Variants in ZFHX3 observed in about 807,000 individuals in gnomAD.
ZFHX3 encodes zinc finger homeobox 3.
Under a neutral mutation model 279.1 loss-of-function variants are expected in ZFHX3, and 42 were observed. The ratio of observed to expected loss-of-function variants is 0.15; its 90% CI spans 0.12 to 0.19. The LOEUF is 0.19. ZFHX3 is among the 10% of genes least tolerant of loss of function. ZFHX3 has a pLI of 1.00. For missense variants in ZFHX3, 4,981 were observed against 4,754.0 expected (o/e 1.05, Z -1.40); for synonymous variants, 2,293 against 1,957.8 (o/e 1.17, Z -4.52).
intron 4 of ZFHX3, among the ~76,000 whole-genome samples, chr16:72,875,066 C>T (rs2038274743): frequency 6.6e-6 from 1 of 152,184 alleles, no homozygotes. Context: ...TCAAGAAGCT[C>T]ACAGAGAATG....
chr16:73,644,209 C>A (rs2142158767), intron 2 of ZFHX3, among the ~76,000 whole-genome samples: 1 of 152,254 alleles, frequency 6.6e-6, no homozygotes, highest in African/African-American at 2.4e-5. Context: ...AAAATGCAAA[C>A]ACATGTTGAT....
At chr16:73,550,619 T>C (rs2020189575) in intron 2 of ZFHX3, among the ~76,000 whole-genome samples, 1 of 152,356 alleles carries the variant, frequency 6.6e-6, no homozygotes, top group South Asian at 2.1e-4. Flanking sequence ...GTGGATGAAG[T>C]GGTCTGGCTC....
At chr16:73,771,205 C>G (rs1303948830) in intron 1 of ZFHX3, among the ~76,000 whole-genome samples, 3 of 152,150 alleles carry the variant, frequency 2.0e-5, no homozygotes, top group African/African-American at 7.2e-5. Flanking sequence ...TTGATGATCC[C>G]TACCAATGTT....
chr16:73,581,405 G>A (rs1051622195), intron 2 of ZFHX3, among the ~76,000 whole-genome samples: 2 of 151,670 alleles, frequency 1.3e-5, no homozygotes, highest in Admixed American at 6.6e-5. Flanking sequence ...GTTTGTATAA[G>A]TGGTTTTCTT....
At chr16:73,513,839 G>A (rs1203849822) in intron 2 of ZFHX3, among the ~76,000 whole-genome samples, 4 of 152,070 alleles carry the variant, frequency 2.6e-5, no homozygotes, top group Non-Finnish European at 2.9e-5. Flanking sequence ...CAGAGAAGAC[G>A]CTGAACAAGC....
At chr16:73,232,546 T>A (rs1411872797) in intron 5 of ZFHX3, 1 of 152,016 alleles carries the variant, frequency 6.6e-6, no homozygotes, top group African/African-American at 2.4e-5. Flanking sequence ...AAGGAATCGA[T>A]GACTGGACAT....
intron 4 of ZFHX3, among the ~76,000 whole-genome samples, chr16:72,850,588 G>A (rs914399932): frequency 1.3e-5 from 2 of 152,124 alleles, no homozygotes; most frequent in Non-Finnish European, 2.9e-5. Context: ...CATGGACCAT[G>A]GTAGAGCTGG....
At chr16:73,330,169 A>G (rs1410607477) in intron 3 of ZFHX3, among the ~76,000 whole-genome samples, 2 of 152,168 alleles carry the variant, frequency 1.3e-5, no homozygotes, top group South Asian at 2.1e-4. Flanking sequence ...ATGGGGGAAG[A>G]GAGGAGAGAG....
intron 3 of ZFHX3, among the ~76,000 whole-genome samples, chr16:72,891,824 G>A (rs1034451655): frequency 6.6e-6 from 1 of 152,152 alleles, no homozygotes; most frequent in African/African-American, 2.4e-5. Flanking sequence ...CTGGCCCATG[G>A]AGCCATGGCA....
intron 1 of ZFHX3, among the ~76,000 whole-genome samples, chr16:73,714,136 C>T (rs995270586): frequency 6.6e-6 from 1 of 152,170 alleles, no homozygotes; most frequent in African/African-American, 2.4e-5. Context: ...TTATTAACAA[C>T]TGGGAGCATG....
chr16:73,699,472 A>T (rs2053227595), intron 1 of ZFHX3, among the ~76,000 whole-genome samples: 1 of 152,320 alleles, frequency 6.6e-6, no homozygotes, highest in South Asian at 2.1e-4. Flanking sequence ...AAAGCTTTTC[A>T]TATAGGGCAA....
intron 7 of ZFHX3, 35 bp from the exon 8 acceptor site, chr16:72,800,164 G>C (rs763211605): frequency 1.9e-6 from 3 of 1,549,408 alleles, no homozygotes; most frequent in East Asian, 4.5e-5. Context: ...CAAATGGAGA[G>C]GAAAGCGACA....
At chr16:73,121,750 G>A (rs536438531) in intron 7 of ZFHX3, among the ~76,000 whole-genome samples, 107 of 151,886 alleles carry the variant, frequency 7.0e-4, no homozygotes, top group African/African-American at 2.4e-3. Context: ...CAAGTAGCTG[G>A]GACTACAGGC....
intron 3 of ZFHX3, among the ~76,000 whole-genome samples, chr16:73,416,839 A>AGT (rs1555515070): frequency 1.3e-5 from 2 of 151,372 alleles, no homozygotes; most frequent in Non-Finnish European, 3.0e-5. Context: ...GCGCCACTGC[A>AGT]CTCCAGCCTG....
At chr16:72,922,727 G>A (rs780125576) in intron 3 of ZFHX3, among the ~76,000 whole-genome samples, 1 of 152,144 alleles carries the variant, frequency 6.6e-6, no homozygotes, top group Non-Finnish European at 1.5e-5. Context: ...TAAAACATTT[G>A]TTTCAGATTG....
intron 3 of ZFHX3, among the ~76,000 whole-genome samples, chr16:73,404,342 A>G (rs2017317551): frequency 6.6e-6 from 1 of 152,124 alleles, no homozygotes; most frequent in Non-Finnish European, 1.5e-5. Context: ...AAAATGTAAA[A>G]CCTGCAAGAC....
chr16:73,866,169 A>ATT (rs34324522), intron 1 of ZFHX3, among the ~76,000 whole-genome samples: 12,908 of 74,696 alleles, frequency 0.17, 2,458 homozygotes, highest in East Asian at 0.25. Context: ...TGCCAGGCTA[A>ATT]TTTTTTTTTT....
chr16:73,858,372 T>C (rs1476019800), intron 1 of ZFHX3, among the ~76,000 whole-genome samples: 2 of 152,222 alleles, frequency 1.3e-5, no homozygotes, highest in African/African-American at 4.8e-5. Flanking sequence ...CTGATCTTGA[T>C]ACAGTCTTAG....
At chr16:73,288,695 C>G (rs1597264423) in intron 4 of ZFHX3, among the ~76,000 whole-genome samples, 1 of 151,852 alleles carries the variant, frequency 6.6e-6, no homozygotes, top group Non-Finnish European at 1.5e-5. Context: ...TTTGAGGCTT[C>G]TGCAGCAGCT....
Sources: gnomAD v4.1 joint callset for allele counts (sites outside exome capture counted in the v4.1 genomes callset) on GRCh38, gnomAD v4.1.1 for gene constraint, MANE v1.5 for transcripts, NCBI Gene and HGNC (gene_info 2026-07-23, HGNC 2026-07-21) for gene names.